The following WWOX variants were observed in gnomAD, a reference collection of about 807,000 sequenced individuals.
WWOX encodes WW domain containing oxidoreductase.
WWOX carries 69 observed loss-of-function variants against 46.2 expected under a neutral mutation model. The ratio of observed to expected loss-of-function variants is 1.49; its 90% CI spans 1.23 to 1.82. WWOX has a LOEUF of 1.82. Ranked by LOEUF, WWOX falls within the 40% of genes most tolerant of loss-of-function variation. WWOX has a pLI of 0.00. For synonymous variants in WWOX, 359 were observed against 202.6 expected, an observed-to-expected ratio of 1.77 and a Z score of -6.56; for missense variants, 919 against 542.6, an observed-to-expected ratio of 1.69 and a Z score of -6.89.
At chr16:78,453,756 A>G (rs1052004615) in intron 8 of WWOX, among the ~76,000 whole-genome samples, 1 of 152,212 alleles carries the variant, frequency 6.6e-6, no homozygotes, top group Non-Finnish European at 1.5e-5. Flanking sequence ...AAGTCAATTA[A>G]ATACTTAGAT....
intron 8 of WWOX, among the ~76,000 whole-genome samples, chr16:78,596,778 A>G (rs1056271059): frequency 1.3e-5 from 2 of 149,548 alleles, no homozygotes. Flanking sequence ...ACAGCCATGA[A>G]AATAAAATGA....
chr16:78,175,097 C>T (rs555692049), intron 5 of WWOX, among the ~76,000 whole-genome samples: 5 of 151,996 alleles, frequency 3.3e-5, no homozygotes, highest in Admixed American at 6.6e-5. Context: ...CCCTTCCATC[C>T]GTAGAGGGCA....
At chr16:78,991,342 C>T (rs1170228467) in intron 8 of WWOX, among the ~76,000 whole-genome samples, 2 of 152,054 alleles carry the variant, frequency 1.3e-5, no homozygotes, top group Non-Finnish European at 2.9e-5. Context: ...GCCTGTAATT[C>T]CAGCATTTTG....
chr16:78,939,791 C>T (rs1320932667), intron 8 of WWOX, among the ~76,000 whole-genome samples: 1 of 152,162 alleles, frequency 6.6e-6, no homozygotes, highest in Non-Finnish European at 1.5e-5. Context: ...ATTCCACTTC[C>T]CCTTTTAGCC....
intron 8 of WWOX, among the ~76,000 whole-genome samples, chr16:78,585,552 C>T (rs1245399389): frequency 6.6e-6 from 1 of 152,166 alleles, no homozygotes; most frequent in African/African-American, 2.4e-5. Flanking sequence ...GTGGTTTTCT[C>T]CTCGCTTCCA....
chr16:78,355,341 G>A (rs564490609), intron 5 of WWOX, among the ~76,000 whole-genome samples: 5 of 152,226 alleles, frequency 3.3e-5, no homozygotes, highest in East Asian at 1.9e-4. Context: ...AGTGGCTCAC[G>A]CCTGTAATCC....
intron 8 of WWOX, among the ~76,000 whole-genome samples, chr16:78,809,949 G>C (rs532346409): frequency 4.9e-4 from 75 of 152,266 alleles, no homozygotes; most frequent in African/African-American, 1.7e-3. Flanking sequence ...TCCCTTAGGG[G>C]ACCCTTGGTA....
intron 8 of WWOX, among the ~76,000 whole-genome samples, chr16:78,932,537 C>G (rs576801766): frequency 7.9e-5 from 12 of 152,198 alleles, no homozygotes; most frequent in Non-Finnish European, 1.8e-4. Context: ...TGCCGGCAGG[C>G]ACACCTGCCA....
chr16:78,658,337 C>T (rs143381922), intron 8 of WWOX, among the ~76,000 whole-genome samples: 3 of 152,296 alleles, frequency 2.0e-5, no homozygotes, highest in Admixed American at 6.5e-5. Flanking sequence ...TACTAATGGT[C>T]ATTATGTGCC....
At chr16:78,946,998 C>G (rs1473880599) in intron 8 of WWOX, among the ~76,000 whole-genome samples, 1 of 151,504 alleles carries the variant, frequency 6.6e-6, no homozygotes, top group African/African-American at 2.4e-5. Context: ...TGAAGAGGGA[C>G]TTTGTTCCCC....
chr16:78,984,767 A>C (rs1191420959), intron 8 of WWOX, among the ~76,000 whole-genome samples: 1 of 152,114 alleles, frequency 6.6e-6, no homozygotes, highest in Non-Finnish European at 1.5e-5. Flanking sequence ...TCTTTTCGTG[A>C]TTTCCTCTGT....
intron 8 of WWOX, among the ~76,000 whole-genome samples, chr16:78,938,974 T>C (rs1240635113): frequency 1.3e-5 from 2 of 152,166 alleles, no homozygotes; most frequent in African/African-American, 4.8e-5. Context: ...TGAAGTGTAA[T>C]GACATGGTTT....
intron 8 of WWOX, among the ~76,000 whole-genome samples, chr16:79,043,860 T>A (rs1209406479): frequency 6.6e-6 from 1 of 152,184 alleles, no homozygotes; most frequent in African/African-American, 2.4e-5. Context: ...ACTCTGGAAG[T>A]GGAGTACCTC....
At chr16:78,717,789 T>C (rs1597486048) in intron 8 of WWOX, among the ~76,000 whole-genome samples, 1 of 152,230 alleles carries the variant, frequency 6.6e-6, no homozygotes, top group East Asian at 1.9e-4. Context: ...TGGGAACATA[T>C]TTAGAAGGAT....
At chr16:78,542,683 C>T (rs1196005580) in intron 8 of WWOX, among the ~76,000 whole-genome samples, 1 of 152,182 alleles carries the variant, frequency 6.6e-6, no homozygotes, top group East Asian at 1.9e-4. Flanking sequence ...GACACAGAAA[C>T]ACATATTAAA....
chr16:78,553,802 G>A (rs1410640021), intron 8 of WWOX, among the ~76,000 whole-genome samples: 4 of 152,056 alleles, frequency 2.6e-5, no homozygotes, highest in Admixed American at 2.0e-4. Context: ...AGGTCCTGCA[G>A]ACCCCCCTGG....
chr16:79,002,512 C>T (rs190744737), intron 8 of WWOX, among the ~76,000 whole-genome samples: 250 of 152,218 alleles, frequency 1.6e-3, no homozygotes, highest in Middle Eastern at 6.8e-3. Context: ...TGTGAGCCAC[C>T]GCACCCGGCC....
intron 8 of WWOX, among the ~76,000 whole-genome samples, chr16:78,984,407 T>C (rs1299757579): frequency 1.3e-5 from 2 of 152,218 alleles, no homozygotes; most frequent in East Asian, 1.9e-4. Context: ...GTGGGTCATA[T>C]AGTCTCTGTT....
Position 78,838,429 on chromosome 16 carries a change from A to G in WWOX, c.1057-373179A>G, listed in dbSNP as rs541923786. 1.8e-4 allele frequency among the ~76,000 whole-genome samples: 28 copies of G among 152,366 alleles called. No homozygotes were observed. In the East Asian group the frequency reaches 1.9e-3, roughly 10 times the overall value. On this transcript the variant is annotated intron_variant, in intron 8 of 8. Transcript: ENST00000566780. ...ATGTTGAGACTTACACGTATACACA[A>G]TAAGAATATTTTCTTTGGCTGCAAA...
Sources: allele counts gnomAD v4.1 joint callset (sites outside exome capture counted in the v4.1 genomes callset), GRCh38; gene constraint gnomAD v4.1.1; transcripts MANE v1.5; gene names NCBI Gene and HGNC (gene_info 2026-07-23, HGNC 2026-07-21).